Variants in WASF1 observed in about 807,000 individuals in gnomAD.
The protein encoded by WASF1 is actin-binding protein WASF1.
In WASF1, 7 loss-of-function variants were observed where a neutral mutation model predicts 50.5. The observed-to-expected ratio is 0.14, with a 90% CI of 0.08 to 0.26. The LOEUF (loss-of-function observed/expected upper bound fraction) is 0.26. WASF1 is among the 10% of genes least tolerant of loss of function. WASF1 has a pLI of 1.00. For synonymous variants in WASF1, 205 were observed against 244.0 expected (o/e 0.84, Z 1.49); for missense variants, 470 against 694.7 (o/e 0.68, Z 3.64).
At chr6:110,105,380 TAA>T (rs747617087) in intron 8 of WASF1, 25 bp downstream of exon 8, 3 of 1,215,546 alleles carry the variant, frequency 2.5e-6, no homozygotes, top group African/African-American at 1.6e-5. Flanking sequence ...TTTTATCATT[TAA>T]AAAAAAAAAC....
At chr6:110,103,041 C>T (rs1413796093) in intron 9 of WASF1, among the ~76,000 whole-genome samples, 1 of 152,130 alleles carries the variant, frequency 6.6e-6, no homozygotes, top group East Asian at 1.9e-4. Context: ...TGCTTGATAA[C>T]AACACTATAA....
At chr6:110,175,915 AATT>A (rs1411774827) in intron 2 of WASF1, among the ~76,000 whole-genome samples, 1 of 152,154 alleles carries the variant, frequency 6.6e-6, no homozygotes, top group African/African-American at 2.4e-5. Flanking sequence ...TACTTATGCT[AATT>A]ATTAACATAA....
intron 6 of WASF1, 48 bp from the exon 7 acceptor site, chr6:110,107,242 A>G (rs1357700288): frequency 8.2e-7 from 1 of 1,218,582 alleles, no homozygotes; most frequent in Non-Finnish European, 1.2e-6. Context: ...AGACTTAGGC[A>G]ATCAGAATAG....
intron 4 of WASF1, among the ~76,000 whole-genome samples, chr6:110,124,283 T>C (rs1306457325): frequency 4.6e-5 from 4 of 87,256 alleles, no homozygotes; most frequent in Non-Finnish European, 8.7e-5. Context: ...TCTATATATA[T>C]ATATATATAT....
intron 3 of WASF1, among the ~76,000 whole-genome samples, chr6:110,151,516 A>C (rs1383813932): frequency 6.6e-6 from 1 of 152,240 alleles, no homozygotes; most frequent in African/African-American, 2.4e-5. Flanking sequence ...AGAATTCTAT[A>C]AACTCAAGAA....
intron 5 of WASF1, among the ~76,000 whole-genome samples, chr6:110,111,871 G>A (rs957148716): frequency 5.3e-5 from 8 of 152,036 alleles, no homozygotes; most frequent in Non-Finnish European, 1.2e-4. Flanking sequence ...TGCATAACTT[G>A]AATATACTAA....
At chr6:110,161,395 T>G (rs1403067188) in intron 2 of WASF1, among the ~76,000 whole-genome samples, 1 of 151,582 alleles carries the variant, frequency 6.6e-6, no homozygotes, top group Non-Finnish European at 1.5e-5. Flanking sequence ...TACCAAATGT[T>G]GGATAAATTT....
intron 9 of WASF1, among the ~76,000 whole-genome samples, chr6:110,103,061 A>G (rs1304107461): frequency 6.6e-6 from 1 of 152,184 alleles, no homozygotes; most frequent in Non-Finnish European, 1.5e-5. Flanking sequence ...ATAAAATGAA[A>G]CAGGCTTTAA....
intron 4 of WASF1, among the ~76,000 whole-genome samples, chr6:110,124,889 G>A (rs1774352790): frequency 6.6e-6 from 1 of 152,140 alleles, no homozygotes; most frequent in Non-Finnish European, 1.5e-5. Flanking sequence ...CAGCCTGGGT[G>A]ACAGAGCAAG....
rs1454874698 is a variant in WASF1, at chr6:110,100,571, C to G, written c.1631G>C (p.Ser544Thr). 6.2e-7 allele frequency: 1 copy of G among 1,613,560 alleles called. No homozygotes were observed. The highest frequency in any genetic ancestry group is 8.5e-7 in the Non-Finnish European group (1 of 1,179,776). Reference sequence around the variant, plus strand: ...AAATTCTGAATCATCTTCCGAATCACTATATTCAACAGCAATACGGCGAGA... The same window carrying G: ...AAATTCTGAATCATCTTCCGAATCAGTATATTCAACAGCAATACGGCGAGA... ...ILSRRIAVEY[S>T]DSEDDSEFDE... Residue 544 changes from serine to threonine, a missense_variant, in exon 11 of 11, where the codon AGT becomes ACT. Around this residue, in one of 3 missense-constraint regions of WASF1, gnomAD observed 36 missense variants for 90.7 expected, o/e 0.40. Transcript: ENST00000392589.
In WASF1 at chr6:110,138,041, C is replaced by T. The variant is rs568712985; in HGVS notation, c.-28-10412G>A. ...AGCCTGGCAGGCTGCGCAGCTCATA[C>T]TACCAGCCTGGATCCCACACCTGCC... On this transcript the variant is annotated intron_variant, in intron 3 of 10. Coordinates refer to ENST00000392589, the MANE Select transcript of WASF1 (RefSeq NM_003931.3). Among the ~76,000 whole-genome samples the T allele has an allele frequency of 6.0e-4, 92 of 152,332 alleles. 1 individual carries two copies. Among genetic ancestry groups the T allele is most frequent in the African/African-American group, 2.1e-3 (86 of 41,588 alleles).
intron 3 of WASF1, among the ~76,000 whole-genome samples, chr6:110,145,018 G>A (rs1431195719): frequency 1.3e-5 from 2 of 152,116 alleles, no homozygotes; most frequent in Admixed American, 6.5e-5. Flanking sequence ...AGCTTGATGG[G>A]GATGGCATTG....
At chr6:110,173,097 T>C (rs1776784848) in intron 2 of WASF1, among the ~76,000 whole-genome samples, 1 of 152,140 alleles carries the variant, frequency 6.6e-6, no homozygotes, top group Non-Finnish European at 1.5e-5. Context: ...TTAAAACAAC[T>C]AGAAAACAAA....
chr6:110,141,530 T>C (rs925935194), intron 3 of WASF1, among the ~76,000 whole-genome samples: 54 of 152,288 alleles, frequency 3.5e-4, no homozygotes, highest in African/African-American at 1.3e-3. Flanking sequence ...ACCGAATTAC[T>C]ACCAATTATA....
chr6:110,132,524 G>A (rs927073829), intron 3 of WASF1, among the ~76,000 whole-genome samples: 6 of 151,588 alleles, frequency 4.0e-5, no homozygotes, highest in African/African-American at 1.5e-4. Context: ...ATAGATTAAG[G>A]AAGTTCCTTT....
intron 4 of WASF1, among the ~76,000 whole-genome samples, chr6:110,127,263 C>T (rs6914473): frequency 0.019 from 2,943 of 152,076 alleles, 94 homozygotes; most frequent in African/African-American, 0.068. Context: ...AGATTCTGTC[C>T]GTATTTTCCT....
At chr6:110,143,402 C>A (rs1270978469) in intron 3 of WASF1, among the ~76,000 whole-genome samples, 7 of 151,700 alleles carry the variant, frequency 4.6e-5, no homozygotes, top group African/African-American at 1.7e-4. Flanking sequence ...TTAAAGAATG[C>A]CTTCTCTTGA....
intron 4 of WASF1, among the ~76,000 whole-genome samples, chr6:110,123,900 G>A (rs892208744): frequency 2.0e-5 from 3 of 152,084 alleles, no homozygotes; most frequent in African/African-American, 7.2e-5. Context: ...TATTCCATAA[G>A]AGAAAAGCCA....
intron 3 of WASF1, among the ~76,000 whole-genome samples, chr6:110,128,194 A>C (rs1472998821): frequency 6.6e-6 from 1 of 152,236 alleles, no homozygotes; most frequent in Non-Finnish European, 1.5e-5. Context: ...AAATTGATTT[A>C]ACTTCCAATT....
Sources: allele counts gnomAD v4.1 joint callset (sites outside exome capture counted in the v4.1 genomes callset), GRCh38; gene constraint gnomAD v4.1.1; regional missense constraint gnomAD v4.1.1; transcripts MANE v1.5; gene names NCBI Gene and HGNC (gene_info 2026-07-23, HGNC 2026-07-21).